The following DAB1 variants were observed in gnomAD, a reference collection of about 807,000 sequenced individuals.
The protein encoded by DAB1 is DAB adaptor protein 1, also known as disabled homolog 1.
DAB1 carries 15 observed loss-of-function variants against 64.6 expected under a neutral mutation model. The ratio of observed to expected loss-of-function variants is 0.23; its 90% CI spans 0.16 to 0.36. The LOEUF is 0.36. Ranked by LOEUF, DAB1 falls within the 10% of genes least tolerant of loss-of-function variation. DAB1 has a pLI of 1.00. For missense variants in DAB1, 596 were observed against 706.7 expected (o/e 0.84, Z 1.78); for synonymous variants, 235 against 251.9 (o/e 0.93, Z 0.64).
intron 4 of DAB1, among the ~76,000 whole-genome samples, chr1:57,102,279 A>G (rs1339433652): frequency 6.6e-6 from 1 of 152,144 alleles, no homozygotes; most frequent in Non-Finnish European, 1.5e-5. Context: ...CTAATGGGAG[A>G]ACCCAATCTA....
At chr1:57,356,672 A>C (rs1365358557) in intron 1 of DAB1, among the ~76,000 whole-genome samples, 2 of 152,090 alleles carry the variant, frequency 1.3e-5, no homozygotes, top group African/African-American at 4.8e-5. Context: ...AGTCTTGAAA[A>C]TATAATGTGC....
At chr1:57,634,267 A>G (rs1319894668) in intron 7 of DAB1, among the ~76,000 whole-genome samples, 2 of 152,236 alleles carry the variant, frequency 1.3e-5, no homozygotes, top group Non-Finnish European at 1.5e-5. Context: ...GTGCTGAAAG[A>G]ACGTGAGCTA....
chr1:57,423,103 T>C (rs1328869364), intron 1 of DAB1, among the ~76,000 whole-genome samples: 1 of 151,926 alleles, frequency 6.6e-6, no homozygotes, highest in Non-Finnish European at 1.5e-5. Flanking sequence ...TGACACCCTC[T>C]TGTGTGCCTG....
At chr1:58,438,495 A>G (rs1024711055) in intron 3 of DAB1, among the ~76,000 whole-genome samples, 1 of 152,192 alleles carries the variant, frequency 6.6e-6, no homozygotes, top group African/African-American at 2.4e-5. Context: ...GGGAGCATTC[A>G]GTGAACTAAA....
intron 7 of DAB1, among the ~76,000 whole-genome samples, chr1:57,541,350 C>G (rs913843123): frequency 2.0e-5 from 3 of 152,094 alleles, no homozygotes; most frequent in African/African-American, 7.2e-5. Context: ...AGGATGGTCT[C>G]GATCCCCTGA....
At chr1:57,242,286 T>C (rs992632052) in intron 2 of DAB1, among the ~76,000 whole-genome samples, 2 of 152,208 alleles carry the variant, frequency 1.3e-5, no homozygotes, top group Non-Finnish European at 2.9e-5. Context: ...AGCATCTTAG[T>C]GACAAAAGCA....
intron 5 of DAB1, among the ~76,000 whole-genome samples, chr1:57,995,279 A>G (rs1361891): frequency 0.52 from 79,016 of 151,994 alleles, 21,383 homozygotes; most frequent in East Asian, 0.9. Context: ...AGGTTCTCAT[A>G]GCAACCAGAA....
chr1:57,966,545 C>T (rs1645670386), intron 5 of DAB1, among the ~76,000 whole-genome samples: 1 of 152,000 alleles, frequency 6.6e-6, no homozygotes, highest in Admixed American at 6.6e-5. Context: ...ATGAATAAGC[C>T]CAGGGGAAAC....
chr1:58,364,892 T>A (rs1170243462), intron 3 of DAB1, among the ~76,000 whole-genome samples: 2 of 152,230 alleles, frequency 1.3e-5, no homozygotes, highest in Non-Finnish European at 2.9e-5. Flanking sequence ...CATGATTGTG[T>A]GACCTAAATC....
rs552479048 is a variant in DAB1, at chr1:56,994,875, T to C, written c.*3269A>G. On this transcript the variant is annotated 3_prime_UTR_variant, in exon 15 of 15. Transcript: ENST00000371236. Reference sequence around the variant, plus strand: ...AAATTTTGCTGTTCTGTTGAATGCATTGTACATAAAGTTAAAAATAATGTG... The same window carrying C: ...AAATTTTGCTGTTCTGTTGAATGCACTGTACATAAAGTTAAAAATAATGTG... 6.6e-6 allele frequency: 1 copy of C among 152,232 alleles called. No homozygotes were observed. Among genetic ancestry groups the C allele is most frequent in the Non-Finnish European group, 1.5e-5 (1 of 68,048 alleles). 9.4% of individuals were successfully genotyped at this position (152,232 alleles called of 1,614,324 possible).
chr1:57,915,369 C>T (rs138778911), intron 5 of DAB1, among the ~76,000 whole-genome samples: 2 of 152,124 alleles, frequency 1.3e-5, no homozygotes, highest in African/African-American at 2.4e-5. Flanking sequence ...CAGTTGAAAA[C>T]CCCTGGTCAG....
intron 6 of DAB1, among the ~76,000 whole-genome samples, chr1:57,718,742 T>C (rs953776647): frequency 1.3e-5 from 2 of 152,218 alleles, no homozygotes; most frequent in South Asian, 2.1e-4. Flanking sequence ...ATATCCCCAG[T>C]TGTAATTCTA....
intron 6 of DAB1, among the ~76,000 whole-genome samples, chr1:57,745,061 T>C (rs753933881): frequency 4.6e-5 from 7 of 152,348 alleles, no homozygotes; most frequent in Non-Finnish European, 7.3e-5. Context: ...AACTCTGCCA[T>C]TTAGTAATTG....
At chr1:58,248,088 G>GAA (rs71580861) in intron 4 of DAB1, among the ~76,000 whole-genome samples, 2 of 148,064 alleles carry the variant, frequency 1.4e-5, no homozygotes, top group Admixed American at 6.8e-5. Flanking sequence ...CCAAATTCAA[G>GAA]AAAAAAAAAA....
intron 3 of DAB1, among the ~76,000 whole-genome samples, chr1:58,442,046 C>A (rs1406822731): frequency 1.6e-4 from 24 of 152,154 alleles, no homozygotes. Context: ...AAATAACACC[C>A]GGAAGGAAGT....
intron 5 of DAB1, among the ~76,000 whole-genome samples, chr1:57,969,895 T>C (rs1358760751): frequency 6.6e-6 from 1 of 152,140 alleles, no homozygotes; most frequent in Non-Finnish European, 1.5e-5. Flanking sequence ...CAACATTCAT[T>C]ATTGACATCC....
At chr1:57,492,538 G>A (rs1308552989) in intron 7 of DAB1, among the ~76,000 whole-genome samples, 1 of 152,210 alleles carries the variant, frequency 6.6e-6, no homozygotes, top group Non-Finnish European at 1.5e-5. Flanking sequence ...CACTTGAAAT[G>A]TACTTAGTCT....
intron 4 of DAB1, among the ~76,000 whole-genome samples, chr1:58,241,467 A>C (rs1387958161): frequency 6.6e-6 from 1 of 152,100 alleles, no homozygotes; most frequent in Non-Finnish European, 1.5e-5. Flanking sequence ...CACACACATC[A>C]CTACTGTCAA....
intron 5 of DAB1, among the ~76,000 whole-genome samples, chr1:58,100,711 G>A (rs1006984734): frequency 1.3e-5 from 2 of 152,084 alleles, no homozygotes; most frequent in Admixed American, 1.3e-4. Context: ...TTTGATTATT[G>A]AATATCACCA....
Sources: gnomAD v4.1 joint callset for allele counts (sites outside exome capture counted in the v4.1 genomes callset) on GRCh38, gnomAD v4.1.1 for gene constraint, MANE v1.5 for transcripts, NCBI Gene and HGNC (gene_info 2026-07-23, HGNC 2026-07-21) for gene names.